Variants in KIF16B observed in about 807,000 individuals in gnomAD.
The protein encoded by KIF16B is kinesin-like protein KIF16B.
Under a neutral mutation model 156.3 loss-of-function variants are expected in KIF16B, and 98 were observed. The ratio of observed to expected loss-of-function variants is 0.63; its 90% CI spans 0.53 to 0.74. KIF16B has a LOEUF of 0.74. KIF16B is among the 30% of genes least tolerant of loss of function. The pLI is 0.00. For missense variants in KIF16B, 1,421 were observed against 1,606.5 expected (o/e 0.88, Z 1.97); for synonymous variants, 564 against 583.7 (o/e 0.97, Z 0.49).
chr20:16,364,652 ATACT>A (rs1180907600), intron 22 of KIF16B, among the ~76,000 whole-genome samples: 4 of 152,226 alleles, frequency 2.6e-5, no homozygotes, highest in Non-Finnish European at 5.9e-5. Context: ...GACAACCTTA[ATACT>A]TACTTCACAG....
intron 24 of KIF16B, among the ~76,000 whole-genome samples, chr20:16,317,696 C>T (rs2063717887): frequency 6.6e-6 from 1 of 152,168 alleles, no homozygotes; most frequent in Admixed American, 6.5e-5. Flanking sequence ...ACTGGGAAAC[C>T]GCCACAGCTC....
intron 23 of KIF16B, among the ~76,000 whole-genome samples, chr20:16,339,984 T>C (rs1001224516): frequency 5.9e-5 from 9 of 152,142 alleles, no homozygotes; most frequent in African/African-American, 1.9e-4. Flanking sequence ...GGCCATTTCT[T>C]TGCTCATATG....
intron 1 of KIF16B, among the ~76,000 whole-genome samples, chr20:16,545,904 C>CA (rs374839647): frequency 0.083 from 11,187 of 134,618 alleles, 471 homozygotes; most frequent in Admixed American, 0.11. Context: ...TGGCAGCTTA[C>CA]AAAAAAAAAA....
chr20:16,292,348 T>C (rs780048058), intron 25 of KIF16B, among the ~76,000 whole-genome samples: 4 of 152,198 alleles, frequency 2.6e-5, no homozygotes, highest in Non-Finnish European at 5.9e-5. Flanking sequence ...TCTCAAAGGA[T>C]TGCACCATAT....
intron 25 of KIF16B, among the ~76,000 whole-genome samples, chr20:16,291,376 A>G (rs563992527): frequency 2.0e-5 from 3 of 152,342 alleles, no homozygotes; most frequent in Admixed American, 2.0e-4. Flanking sequence ...AATGGTGTTG[A>G]TTAGGCAGCT....
intron 1 of KIF16B, among the ~76,000 whole-genome samples, chr20:16,565,046 C>CATAGTGAGTATAAAAGAT (rs140653344): frequency 0.031 from 4,754 of 152,218 alleles, 255 homozygotes; most frequent in African/African-American, 0.11. Flanking sequence ...TGTCAGTAAC[C>CATAGTGAGTATAAAAGAT]ATAGTGAGTA....
chr20:16,542,536 C>G (rs924448261), intron 1 of KIF16B, among the ~76,000 whole-genome samples: 7 of 152,126 alleles, frequency 4.6e-5, no homozygotes, highest in African/African-American at 1.7e-4. Flanking sequence ...GGAAGGCAAG[C>G]AGCCAGAAAA....
rs1339597819 is a variant in KIF16B at position 16,273,318 on chromosome 20, T to C, written c.3889A>G (p.Ile1297Val). 1.9e-6 allele frequency: 3 copies of C among 1,613,632 alleles called. No individual in the cohort carries two copies. Among genetic ancestry groups the C allele is most frequent in the Non-Finnish European group, 2.5e-6 (3 of 1,179,726 alleles). The change falls in exon 26 of 26, where the codon ATT (isoleucine) becomes GTT (valine). Residue 1297 changes from isoleucine to valine, a missense_variant. By Grantham distance (29) the Ile-to-Val change is conservative. Transcript: ENST00000354981. ...TTGAAGAATGGTGAAAACTCACAAA[T>C]GGTATGTTTCGAGAGAGTCAGTCCC... ...KVGLTLSKHT[I>V]CEFSPFFKKG...
chr20:16,548,189 C>T (rs960473209), intron 1 of KIF16B, among the ~76,000 whole-genome samples: 4 of 152,222 alleles, frequency 2.6e-5, no homozygotes, highest in African/African-American at 9.6e-5. Context: ...GCTTTGACAA[C>T]CGCTCAGCCT....
At chr20:16,329,266 G>A (rs1275403456) in intron 24 of KIF16B, among the ~76,000 whole-genome samples, 1 of 152,030 alleles carries the variant, frequency 6.6e-6, no homozygotes, top group African/African-American at 2.4e-5. Context: ...CTGTTTTGCT[G>A]GACTCTTGGA....
chr20:16,356,393 A>G lies in KIF16B; in HGVS notation c.3558T>C (p.Ile1186=). The change falls in exon 23 of 26, where the codon ATT becomes ATC. Residue 1186 remains isoleucine (I), a synonymous_variant. Transcript: ENST00000354981. ...NPDDLKDPIK[I]SIPRYVLCGQ... ...CGCAGAGGACGTAGCGTGGGATACT[A>G]ATTTTAATTGGGTCCTTCAGGTCAT... 2 of 1,614,176 alleles carry G rather than the reference A, an allele frequency of 1.2e-6. No individual in the cohort carries two copies. Among genetic ancestry groups the G allele is most frequent in the Middle Eastern group, 1.6e-4 (1 of 6,062 alleles).
At chr20:16,349,143 G>A (rs933854679) in intron 23 of KIF16B, among the ~76,000 whole-genome samples, 2 of 152,152 alleles carry the variant, frequency 1.3e-5, no homozygotes, top group African/African-American at 4.8e-5. Flanking sequence ...ATGGCCCCTC[G>A]TCTAAAACTT....
chr20:16,301,504 T>A (rs1286881815), intron 25 of KIF16B, among the ~76,000 whole-genome samples: 1 of 152,250 alleles, frequency 6.6e-6, no homozygotes, highest in African/African-American at 2.4e-5. Flanking sequence ...GTGCTGTTTA[T>A]GTTCCAGCTT....
At chr20:16,555,311 G>A (rs1396904761) in intron 1 of KIF16B, among the ~76,000 whole-genome samples, 1 of 152,204 alleles carries the variant, frequency 6.6e-6, no homozygotes, top group East Asian at 1.9e-4. Context: ...AAGAGGATAT[G>A]AGACGAAATC....
intron 1 of KIF16B, among the ~76,000 whole-genome samples, chr20:16,558,086 A>T (rs1568685345): frequency 2.0e-5 from 3 of 152,246 alleles, no homozygotes; most frequent in Non-Finnish European, 2.9e-5. Context: ...GAAAGCCCAC[A>T]TTGAAGAAGC....
intron 12 of KIF16B, among the ~76,000 whole-genome samples, chr20:16,479,331 T>C (rs6034492): frequency 6.6e-6 from 1 of 151,736 alleles, no homozygotes; most frequent in Non-Finnish European, 1.5e-5. Context: ...ACACAGGGAG[T>C]GGAACAACAC....
intron 15 of KIF16B, among the ~76,000 whole-genome samples, chr20:16,417,798 C>T (rs1568958487): frequency 1.3e-5 from 2 of 151,892 alleles, no homozygotes; most frequent in Non-Finnish European, 2.9e-5. Flanking sequence ...AACTTAAACA[C>T]AGGTCAACTG....
intron 15 of KIF16B, among the ~76,000 whole-genome samples, chr20:16,418,031 G>A (rs1338775503): frequency 6.6e-6 from 1 of 152,054 alleles, no homozygotes; most frequent in African/African-American, 2.4e-5. Context: ...CTATGAATTT[G>A]AGAAGCTCGG....
At chr20:16,419,254 A>G (rs1160942951) in intron 15 of KIF16B, among the ~76,000 whole-genome samples, 1 of 152,126 alleles carries the variant, frequency 6.6e-6, no homozygotes, top group Non-Finnish European at 1.5e-5. Flanking sequence ...CAGGTCTCTA[A>G]TCTGAGGAAG....
Sources: allele counts gnomAD v4.1 joint callset (sites outside exome capture counted in the v4.1 genomes callset), GRCh38; gene constraint gnomAD v4.1.1; transcripts MANE v1.5; gene names NCBI Gene and HGNC (gene_info 2026-07-23, HGNC 2026-07-21).